The following EEA1 variants were observed in gnomAD, a reference collection of about 807,000 sequenced individuals.
The protein encoded by EEA1 is early endosome antigen 1.
In EEA1, 111 loss-of-function variants were observed where a neutral mutation model predicts 209.2. That is an observed-to-expected ratio of 0.53 (90% CI 0.45 to 0.62). EEA1 has a LOEUF of 0.62. Among genes scored for constraint, EEA1 ranks in the 20% least tolerant of loss-of-function variants. The probability of loss-of-function intolerance (pLI) is 0.00; values close to 1 mark genes in which losing one functional copy is unlikely to be tolerated. For missense variants in EEA1, 1,343 were observed against 1,530.8 expected, an observed-to-expected ratio of 0.88 and a Z score of 2.05; for synonymous variants, 536 against 540.6, an observed-to-expected ratio of 0.99 and a Z score of 0.12.
intron 1 of EEA1, among the ~76,000 whole-genome samples, chr12:92,892,939 C>A (rs1437927370): frequency 7.2e-5 from 11 of 152,292 alleles, no homozygotes; most frequent in African/African-American, 2.4e-4. Context: ...CGGCAATAGT[C>A]TCTTTTCTAC....
At chr12:92,810,162 T>C (rs1298169392) in intron 17 of EEA1, among the ~76,000 whole-genome samples, 1 of 152,236 alleles carries the variant, frequency 6.6e-6, no homozygotes, top group African/African-American at 2.4e-5. Flanking sequence ...AAATATTTTA[T>C]AAACTGATTG....
chr12:92,780,202 T>C lies in EEA1; in HGVS notation c.3468+78A>G. 4.3e-6 allele frequency: 6 copies of C among 1,397,498 alleles called. No individual in the cohort carries two copies. In the East Asian group the frequency reaches 1.6e-4, roughly 36 times the overall value. 86.6% of individuals were successfully genotyped at this position (1,397,498 alleles called of 1,614,324 possible). A position where few individuals can be genotyped will look rare whatever the true frequency, so the allele number is the denominator to read the frequency against. On this transcript the variant is annotated intron_variant, in intron 24 of 28. Coordinates refer to ENST00000322349, the MANE Select transcript of EEA1 (RefSeq NM_003566.4). ...ACATAGCAAGTTCTCAATAAATAAA[T>C]AAATATGTATGGGTATATATATTTC...
chr12:92,817,239 A>G (rs2136679907), intron 14 of EEA1, among the ~76,000 whole-genome samples: 1 of 151,970 alleles, frequency 6.6e-6, no homozygotes, highest in East Asian at 1.9e-4. Flanking sequence ...AACAGTTTCA[A>G]CTGCCTTGTC....
chr12:92,792,895 C>T (rs11837667), intron 21 of EEA1, among the ~76,000 whole-genome samples: 6,117 of 152,228 alleles, frequency 0.04, 408 homozygotes, highest in African/African-American at 0.14. Context: ...AAAATACTGG[C>T]AAACCGAATC....
chr12:92,884,793 A>C, intron 2 of EEA1: 1 of 812,538 alleles, frequency 1.2e-6, no homozygotes, highest in Non-Finnish European at 2.0e-6. Flanking sequence ...AGCCAAGCAC[A>C]GTGGTGGCAG....
At chr12:92,907,911 G>C (rs1371086843) in intron 1 of EEA1, among the ~76,000 whole-genome samples, 5 of 152,192 alleles carry the variant, frequency 3.3e-5, no homozygotes, top group Non-Finnish European at 7.3e-5. Flanking sequence ...GGAAGTTGCA[G>C]TGCACTGAGA....
At position 92,928,685 on chromosome 12, in the gene EEA1, G is replaced by C. The variant is rs1211873948; in HGVS notation, c.24+358C>G. Among the ~76,000 whole-genome samples the C allele has an allele frequency of 2.0e-5, 3 of 152,168 alleles. No homozygotes were observed. The South Asian group carries it at 6.2e-4, about 31-fold the overall frequency. ...GGCGTTCTCCAGCCCGGCAGGCGGC[G>C]GCTGGCCCGTCCCACGGGCACCAAC... On this transcript the variant is annotated intron_variant, in intron 1 of 28. Transcript: ENST00000322349.
At chr12:92,844,498 G>T (rs1172050443) in intron 9 of EEA1, among the ~76,000 whole-genome samples, 1 of 151,976 alleles carries the variant, frequency 6.6e-6, no homozygotes, top group Non-Finnish European at 1.5e-5. Flanking sequence ...AGAAAATGTT[G>T]AAATATTCAT....
intron 22 of EEA1, among the ~76,000 whole-genome samples, chr12:92,782,587 G>A (rs923225127): frequency 6.6e-6 from 1 of 152,170 alleles, no homozygotes; most frequent in Admixed American, 6.5e-5. Flanking sequence ...TATACATTTG[G>A]TAGGTTCTAT....
intron 19 of EEA1, among the ~76,000 whole-genome samples, 159 bp downstream of exon 19, chr12:92,802,242 GCTT>G (rs769978183): frequency 6.6e-6 from 1 of 151,914 alleles, no homozygotes; most frequent in African/African-American, 2.4e-5. Flanking sequence ...ATTATCTTGG[GCTT>G]CTTCTCAGGT....
rs574627407 is a variant in EEA1 at position 92,886,066 on chromosome 12, C to T, written c.117+5563G>A. Among the ~76,000 whole-genome samples, 403 of 151,562 alleles carry T rather than the reference C, an allele frequency of 2.7e-3. 1 individual carries two copies. Among genetic ancestry groups the T allele is most frequent in the Middle Eastern group, 6.8e-3 (2 of 294 alleles). On this transcript the variant is annotated intron_variant, in intron 2 of 28. Transcript: ENST00000322349. ...AGTCAAACCTATAAAGTTTCAAATA[C>T]TATAATGCTATAAACATTACCAGAC... is the stretch of plus-strand genomic sequence containing the variant.
intron 1 of EEA1, among the ~76,000 whole-genome samples, chr12:92,913,611 A>T (rs529934022): frequency 8.2e-4 from 125 of 151,910 alleles, no homozygotes; most frequent in African/African-American, 2.8e-3. Context: ...ATGTCCAGAG[A>T]GATTTTCCTA....
At chr12:92,788,117 T>C in intron 21 of EEA1, 68 bp from the exon 22 acceptor site, 1 of 1,323,222 alleles carries the variant, frequency 7.6e-7, no homozygotes, top group Non-Finnish European at 9.9e-7. Flanking sequence ...TAAAGTAAAA[T>C]CCAGACAACT....
At chr12:92,840,048 T>TG (rs1877099477) in intron 10 of EEA1, among the ~76,000 whole-genome samples, 2 of 152,184 alleles carry the variant, frequency 1.3e-5, no homozygotes, top group African/African-American at 4.8e-5. Flanking sequence ...ACTTTCAAGC[T>TG]CATACACATG....
chr12:92,799,330 C>T (rs1224066373), intron 20 of EEA1, among the ~76,000 whole-genome samples: 2 of 152,192 alleles, frequency 1.3e-5, no homozygotes, highest in East Asian at 1.9e-4. Context: ...TATTAGGTGA[C>T]ATGCTGGATT....
At chr12:92,819,617 T>C (rs769142687) in intron 13 of EEA1, 106 bp from the exon 14 acceptor site, 2 of 754,252 alleles carry the variant, frequency 2.7e-6, no homozygotes, top group Admixed American at 3.4e-5. Flanking sequence ...TACTCAGTCT[T>C]ACATTTTTTA....
chr12:92,889,010 G>A (rs1376459572), intron 2 of EEA1, among the ~76,000 whole-genome samples: 1 of 151,892 alleles, frequency 6.6e-6, no homozygotes. Flanking sequence ...AAATTCGCAG[G>A]GTGTGGTGGC....
At chr12:92,907,772 A>G (rs1018676532) in intron 1 of EEA1, among the ~76,000 whole-genome samples, 1 of 152,208 alleles carries the variant, frequency 6.6e-6, no homozygotes, top group African/African-American at 2.4e-5. Context: ...AGCTTAGTCA[A>G]TAATATCCTC....
chr12:92,802,015 A>G (rs552142632), intron 19 of EEA1, among the ~76,000 whole-genome samples: 1 of 152,154 alleles, frequency 6.6e-6, no homozygotes, highest in Admixed American at 6.5e-5. Flanking sequence ...AACTTGCCAC[A>G]CTACTTTTAT....
Sources: allele counts gnomAD v4.1 joint callset (sites outside exome capture counted in the v4.1 genomes callset), GRCh38; gene constraint gnomAD v4.1.1; transcripts MANE v1.5; gene names NCBI Gene and HGNC (gene_info 2026-07-23, HGNC 2026-07-21).